Variants in PPP6C observed in about 807,000 individuals in gnomAD.
The protein encoded by PPP6C is serine/threonine-protein phosphatase 6 catalytic subunit.
Under a neutral mutation model 39.8 loss-of-function variants are expected in PPP6C, and 11 were observed. The observed-to-expected ratio is 0.28, with a 90% CI of 0.17 to 0.46. The LOEUF (loss-of-function observed/expected upper bound fraction) is 0.46, where lower values mean the gene tolerates loss of function less well. Among genes scored for constraint, PPP6C ranks in the 20% least tolerant of loss-of-function variants. PPP6C has a pLI of 1.00. For missense variants in PPP6C, 211 were observed against 373.9 expected (o/e 0.56, Z 3.59); for synonymous variants, 129 against 130.3 (o/e 0.99, Z 0.07).
intron 1 of PPP6C, among the ~76,000 whole-genome samples, chr9:125,183,124 T>C (rs1829453183): frequency 6.6e-6 from 1 of 152,178 alleles, no homozygotes; most frequent in Non-Finnish European, 1.5e-5. Context: ...CTCTTCATCA[T>C]AACCTAGACC....
Position 125,189,690 on chromosome 9 carries a change from A to C in PPP6C, c.29T>G (p.Val10Gly). Residue 10 changes from valine (V) to glycine (G), a missense_variant, in exon 1 of 7, where the codon GTG (valine) becomes GGG (glycine). By Grantham distance (109) the Val-to-Gly change is moderately radical. This residue lies in a region of PPP6C where 43 missense variants were observed against 31.3 expected (regional missense o/e 1.38). Coordinates refer to ENST00000373547, the MANE Select transcript of PPP6C (RefSeq NM_002721.5). MAPLDLDKY[V>G]EIARLCKYLP... ...GTACTTGCACAGCCGCGCTATTTCC[A>C]CATACTTGTCCAGGTCTAGCGGCGC... The C allele has an allele frequency of 6.2e-7, 1 of 1,611,914 alleles. No homozygotes were observed.
At chr9:125,162,055 T>G (rs1265046962) in intron 2 of PPP6C, among the ~76,000 whole-genome samples, 6 of 152,002 alleles carry the variant, frequency 3.9e-5, no homozygotes, top group Non-Finnish European at 7.4e-5. Flanking sequence ...AGTAACACCT[T>G]TTATAACAAT....
intron 1 of PPP6C, among the ~76,000 whole-genome samples, chr9:125,176,324 T>C (rs1829296571): frequency 6.6e-6 from 1 of 152,170 alleles, no homozygotes. Flanking sequence ...TTAGAAGTTC[T>C]AGAGCAGAAG....
rs373613855 is a variant in PPP6C at position 125,165,978 on chromosome 9, G to A, written c.172-5072C>T. Among the ~76,000 whole-genome samples the A allele has an allele frequency of 4.0e-3, 601 of 151,854 alleles. 8 individuals are homozygous for A. Among genetic ancestry groups the A allele is most frequent in the African/African-American group, 0.014 (563 of 41,408 alleles). The stretch of plus-strand genomic sequence containing the variant: ...CACCTGGCTAATTTTTGTATTTTTA[G>A]TAGAGACAGGGTTTCACCATGTTGC... On this transcript the variant is annotated intron_variant, in intron 2 of 6. Coordinates refer to ENST00000373547, the MANE Select transcript of PPP6C (RefSeq NM_002721.5).
intron 1 of PPP6C, among the ~76,000 whole-genome samples, chr9:125,184,380 C>G (rs1349640410): frequency 6.6e-6 from 1 of 151,730 alleles, no homozygotes; most frequent in African/African-American, 2.4e-5. Flanking sequence ...GAGTGAGACT[C>G]CATCTCAAAA....
At chr9:125,171,230 A>G in intron 1 of PPP6C, 50 bp from the exon 2 acceptor site, 1 of 1,401,598 alleles carries the variant, frequency 7.1e-7, no homozygotes, top group South Asian at 1.3e-5. Context: ...CATTAAAACT[A>G]AAGATAAAAT....
intron 4 of PPP6C, among the ~76,000 whole-genome samples, chr9:125,155,032 T>G (rs7846942): frequency 0.44 from 67,269 of 152,002 alleles, 15,252 homozygotes; most frequent in East Asian, 0.53. Flanking sequence ...CTCAGCCTTC[T>G]GAACAGCTGG....
chr9:125,167,118 C>T (rs1239338123), intron 2 of PPP6C, among the ~76,000 whole-genome samples: 1 of 151,934 alleles, frequency 6.6e-6, no homozygotes, highest in Non-Finnish European at 1.5e-5. Flanking sequence ...CAGCGGCTCA[C>T]ACCTGTAGTC....
intron 1 of PPP6C, among the ~76,000 whole-genome samples, chr9:125,173,513 G>C (rs1025234316): frequency 4.0e-5 from 6 of 151,690 alleles, no homozygotes; most frequent in Non-Finnish European, 8.8e-5. Context: ...AGGAGACAGA[G>C]GTTGCCGAAA....
chr9:125,189,523 G>A, intron 1 of PPP6C, 121 bp downstream of exon 1: 2 of 1,509,174 alleles, frequency 1.3e-6, no homozygotes, highest in Non-Finnish European at 1.8e-6. Flanking sequence ...GGGTCGACTG[G>A]CAATGGGGGA....
At position 125,179,215 on chromosome 9, in the gene PPP6C, C is replaced by CAAAAAAAAAA. The variant is rs150040909; in HGVS notation, c.76-8045_76-8036dup. The stretch of plus-strand genomic sequence containing the variant: ...AAGCAACAAGAGCGAAACTCCATCT[C>CAAAAAAAAAA]AAAAAAAAAAGAATTATCTGCATAT... On this transcript the variant is annotated intron_variant, in intron 1 of 6. Transcript: ENST00000373547. 2.0e-3 allele frequency among the ~76,000 whole-genome samples: 248 copies of CAAAAAAAAAA among 127,150 alleles called. 10 individuals carry two copies. Among genetic ancestry groups the CAAAAAAAAAA allele is most frequent in the Middle Eastern group, 4.0e-3 (1 of 250 alleles). The allele number at this position is 127,150 out of a possible 152,430, so 83.4% of individuals were successfully genotyped here. A position where few individuals can be genotyped will look rare whatever the true frequency, so the allele number is the denominator to read the frequency against.
intron 2 of PPP6C, among the ~76,000 whole-genome samples, chr9:125,162,766 A>G (rs2131313803): frequency 7.8e-6 from 1 of 128,740 alleles, no homozygotes; most frequent in East Asian, 2.4e-4. Context: ...ACAGAGCAAG[A>G]CTCCGTCTCA....
Position 125,167,844 on chromosome 9 carries a change from G to C in PPP6C, c.171+3241C>G, listed in dbSNP as rs1327785920. 1.0e-3 allele frequency among the ~76,000 whole-genome samples: 61 copies of C among 60,762 alleles called. 4 individuals carry two copies. The highest frequency in any genetic ancestry group is 2.1e-3 in the African/African-American group (35 of 16,830). 39.9% of individuals were successfully genotyped at this position (60,762 alleles called of 152,430 possible). A position where few individuals can be genotyped will look rare whatever the true frequency, so the allele number is the denominator to read the frequency against. On this transcript the variant is annotated intron_variant, in intron 2 of 6. Transcript: ENST00000373547. ...GAGTTTGAGATGGGGGGGGGGGGGGGGGGTATCATTTGGTTGCCCAGGCTG... is the reference window on the plus strand; with the variant it reads ...GAGTTTGAGATGGGGGGGGGGGGGGCGGGTATCATTTGGTTGCCCAGGCTG...
chr9:125,173,718 A>T (rs1306771614), intron 1 of PPP6C, among the ~76,000 whole-genome samples: 1 of 151,950 alleles, frequency 6.6e-6, no homozygotes, highest in African/African-American at 2.4e-5. Context: ...CCCAGGTTCA[A>T]GCCATTCTCC....
intron 2 of PPP6C, among the ~76,000 whole-genome samples, chr9:125,170,475 G>A (rs1339594306): frequency 1.3e-5 from 2 of 152,030 alleles, no homozygotes; most frequent in African/African-American, 2.4e-5. Flanking sequence ...CTGACCTCAC[G>A]ATCCACCCGC....
In PPP6C at chr9:125,189,671, G is replaced by A; in HGVS notation, c.48C>T (p.Cys16=). Residue 16 remains cysteine (C), a synonymous_variant, in exon 1 of 7, where the codon TGC becomes TGT. Transcript: ENST00000373547. ...LDKYVEIARL[C]KYLPENDLKR... ...TCAGGTCGTTCTCTGGCAGGTACTT[G>A]CACAGCCGCGCTATTTCCACATACT... 1 of 1,612,602 alleles carries A rather than the reference G, an allele frequency of 6.2e-7. No homozygotes were observed. Among genetic ancestry groups the A allele is most frequent in the Non-Finnish European group, 8.5e-7 (1 of 1,179,452 alleles).
chr9:125,153,791 C>G (rs1241874993), intron 5 of PPP6C, 49 bp from the exon 6 acceptor site: 1 of 1,564,282 alleles, frequency 6.4e-7, no homozygotes. Flanking sequence ...TCAGGCATAT[C>G]TAAACTCATC....
chr9:125,146,880 T>C lies in PPP6C; in HGVS notation c.*2793A>G, dbSNP rs534194936. Reference sequence around the variant, plus strand: ...AATGAAAGAGGCTCAGAAAGAGTCCTAATTTGCTTTCACAGTACAGGCATT... The same window carrying C: ...AATGAAAGAGGCTCAGAAAGAGTCCCAATTTGCTTTCACAGTACAGGCATT... On this transcript the variant is annotated 3_prime_UTR_variant, in exon 7 of 7. Transcript: ENST00000373547. 5.4e-4 allele frequency: 82 copies of C among 152,362 alleles called. No homozygotes were observed. Among genetic ancestry groups the C allele is most frequent in the African/African-American group, 1.9e-3 (81 of 41,592 alleles). 9.4% of individuals were successfully genotyped at this position (152,362 alleles called of 1,614,324 possible).
At chr9:125,165,275 T>A (rs1320856482) in intron 2 of PPP6C, among the ~76,000 whole-genome samples, 1 of 152,122 alleles carries the variant, frequency 6.6e-6, no homozygotes, top group East Asian at 1.9e-4. Context: ...GACTCACACC[T>A]GTAATCCCAG....
Sources: gnomAD v4.1 joint callset for allele counts (sites outside exome capture counted in the v4.1 genomes callset) on GRCh38, gnomAD v4.1.1 for gene constraint, gnomAD v4.1.1 regional missense constraint, MANE v1.5 for transcripts, NCBI Gene and HGNC (gene_info 2026-07-23, HGNC 2026-07-21) for gene names.